The following IL3RA variants were observed in gnomAD, a reference collection of about 807,000 sequenced individuals.
IL3RA encodes the protein interleukin-3 receptor subunit alpha.
Under a neutral mutation model 52.3 loss-of-function variants are expected in IL3RA, and 73 were observed. The observed-to-expected ratio is 1.40, with a 90% CI of 1.16 to 1.70. The LOEUF (loss-of-function observed/expected upper bound fraction) is 1.70. Ranked by LOEUF, IL3RA falls within the 40% of genes most tolerant of loss-of-function variation. IL3RA has a pLI of 0.00. For synonymous variants in IL3RA, 260 were observed against 194.0 expected (o/e 1.34, Z -2.83); for missense variants, 664 against 504.4 (o/e 1.32, Z -3.03).
Position 1,352,202 on chromosome X carries a change from T to TTG in IL3RA, c.401_402insTG (p.Gln135AlafsTer7). ...GTAGGCCCGGGGGCCCCCGCGGACG[T>TTG]CCAGTACGACCTGTACTTGAACGTT... On this transcript the variant is annotated frameshift_variant, in exon 5 of 12. Coordinates refer to ENST00000331035, the MANE Select transcript of IL3RA (RefSeq NM_002183.4). LOFTEE classifies it high-confidence loss of function. 1 of 1,613,730 alleles carries TTG rather than the reference T, an allele frequency of 6.2e-7. No homozygotes were observed. The highest frequency in any genetic ancestry group is 1.1e-5 in the South Asian group (1 of 91,082).
intron 10 of IL3RA, 131 bp from the exon 11 acceptor site, chrX:1,380,892 A>C: frequency 2.6e-6 from 2 of 758,270 alleles, no homozygotes; most frequent in Non-Finnish European, 4.6e-6. Flanking sequence ...CCGGGAAAAT[A>C]GAGACCCCTC....
At position 1,365,144 on chromosome X, in the gene IL3RA, G is replaced by A. The variant is rs760565656; in HGVS notation, c.766G>A (p.Asp256Asn). 1.2e-6 allele frequency: 2 copies of A among 1,608,628 alleles called. No homozygotes were observed. The highest frequency in any genetic ancestry group is 1.1e-5 in the South Asian group (1 of 91,016). Reference sequence around the variant, plus strand: ...ATTTTCTTTCAAACCACAGGTCAGAGACAGAACCTCCTTCCAGCTACTCAA... The same window carrying A: ...ATTTTCTTTCAAACCACAGGTCAGAAACAGAACCTCCTTCCAGCTACTCAA... ...MQPVITEQVR[D>N]RTSFQLLNPG... The change falls in exon 9 of 12, where the codon GAC becomes AAC. Residue 256 changes from aspartate (D) to asparagine (N), a missense_variant. Coordinates refer to ENST00000331035, the MANE Select transcript of IL3RA (RefSeq NM_002183.4).
intron 3 of IL3RA, among the ~76,000 whole-genome samples, chrX:1,348,048 A>ATCTG (rs2085842293): frequency 8.3e-6 from 1 of 120,152 alleles, no homozygotes; most frequent in African/African-American, 3.3e-5. Flanking sequence ...AAAAAAAAAA[A>ATCTG]AACAGAAAAA....
chrX:1,355,414 G>GGGGGAGGA (rs1252462148), intron 6 of IL3RA, among the ~76,000 whole-genome samples: 4,024 of 123,748 alleles, frequency 0.033, 406 homozygotes, highest in African/African-American at 0.14. Flanking sequence ...TAGGAGCGGA[G>GGGGGAGGA]GGGGAGGAGG....
In IL3RA at chrX:1,348,050, A is replaced by C. The variant is rs758130303; in HGVS notation, c.184-381A>C. On this transcript the variant is annotated intron_variant, in intron 3 of 11. Transcript: ENST00000331035. ...AGACTCCCTCTCAAAAAAAAAAAAA[A>C]CAGAAAAAAGTCTTGGCCGGGCACG... 2.6e-3 allele frequency among the ~76,000 whole-genome samples: 331 copies of C among 125,706 alleles called. 2 individuals are homozygous for C. The highest frequency in any genetic ancestry group is 3.5e-3 in the Non-Finnish European group (212 of 60,086). 82.5% of individuals were successfully genotyped at this position (125,706 alleles called of 152,430 possible).
At chrX:1,342,305 A>G (rs1287090265) in intron 2 of IL3RA, among the ~76,000 whole-genome samples, 2 of 151,646 alleles carry the variant, frequency 1.3e-5, no homozygotes, top group African/African-American at 4.8e-5. Context: ...AGCTGAGATT[A>G]CAGTCGCGCA....
At chrX:1,359,571 T>G (rs2149056192) in intron 8 of IL3RA, among the ~76,000 whole-genome samples, 1 of 149,012 alleles carries the variant, frequency 6.7e-6, no homozygotes, top group South Asian at 2.2e-4. Context: ...CCTGTGTCTA[T>G]CTCTCCCTGT....
At chrX:1,364,894 C>T (rs1335951305) in intron 8 of IL3RA, among the ~76,000 whole-genome samples, 1 of 151,858 alleles carries the variant, frequency 6.6e-6, no homozygotes, top group Non-Finnish European at 1.5e-5. Context: ...CTGCAACCTC[C>T]ACCTCTCAGG....
rs1465879060 is a variant in IL3RA, at chrX:1,343,635, C to G, written c.65-1681C>G. ...TGAGCCAAGATCACGCCATTGCACT[C>G]CAACCTGGGTGACAGAGCGAGGCTC... On this transcript the variant is annotated intron_variant, in intron 2 of 11. Coordinates refer to ENST00000331035, the MANE Select transcript of IL3RA (RefSeq NM_002183.4). 2.8e-5 allele frequency among the ~76,000 whole-genome samples: 4 copies of G among 141,972 alleles called. No homozygotes were observed. In the East Asian group the frequency reaches 6.2e-4, roughly 22 times the overall value. The allele number at this position is 141,972 out of a possible 152,430, so 93.1% of individuals were successfully genotyped here. A position where few individuals can be genotyped will look rare whatever the true frequency, so the allele number is the denominator to read the frequency against.
At chrX:1,344,948 G>C (rs1416634270) in intron 2 of IL3RA, among the ~76,000 whole-genome samples, 1 of 149,826 alleles carries the variant, frequency 6.7e-6, no homozygotes, top group East Asian at 2.0e-4. Flanking sequence ...GAATCATGAG[G>C]TCAGGAGATC....
intron 9 of IL3RA, among the ~76,000 whole-genome samples, chrX:1,376,993 A>G (rs1301630181): frequency 7.1e-6 from 1 of 141,526 alleles, no homozygotes; most frequent in Non-Finnish European, 1.5e-5. Context: ...TTTTGTTTCT[A>G]AGCCGCCCAG....
chrX:1,345,680 T>C (rs1163332908), intron 3 of IL3RA, among the ~76,000 whole-genome samples: 19 of 151,578 alleles, frequency 1.3e-4, no homozygotes, highest in Non-Finnish European at 2.2e-4. Flanking sequence ...TTAGTAGAGA[T>C]GGGGTTTCAC....
chrX:1,368,351 G>A (rs2088339443), intron 9 of IL3RA, among the ~76,000 whole-genome samples: 1 of 152,094 alleles, frequency 6.6e-6, no homozygotes, highest in Non-Finnish European at 1.5e-5. Context: ...TTGGGAGGCT[G>A]AGGTGGGTAG....
rs113296760 is a variant in IL3RA, at chrX:1,382,349, T to TG, written c.1063-36dup. ...AGATCAGGACGTGGGCTCTGTTATC[T>TG]GGGGGGTGGCCGACTCACCCTGCCT... On this transcript the variant is annotated intron_variant, in intron 11 of 11. Transcript: ENST00000331035. The TG allele has an allele frequency of 9.4e-4, 1,425 of 1,523,632 alleles. 16 individuals carry two copies. The African/African-American group carries it at 0.018, about 19-fold the overall frequency. 94.4% of individuals were successfully genotyped at this position (1,523,632 alleles called of 1,614,324 possible). A position where few individuals can be genotyped will look rare whatever the true frequency, so the allele number is the denominator to read the frequency against.
chrX:1,344,357 C>A (rs1296703867), intron 2 of IL3RA, among the ~76,000 whole-genome samples: 1 of 151,880 alleles, frequency 6.6e-6, no homozygotes, highest in Non-Finnish European at 1.5e-5. Flanking sequence ...TCGCTTGAAC[C>A]CGGGAGGCGG....
In IL3RA at chrX:1,345,414, G is replaced by C. The variant is rs1201765526; in HGVS notation, c.163G>C (p.Asp55His). ...RNVTDIECVK[D>H]ADYSMPAVNN... ...TGTGACCGATATCGAGTGTGTTAAA[G>C]ACGCCGACTATTCTATGCCGGTAAA... Residue 55 changes from aspartate (D) to histidine (H), a missense_variant, in exon 3 of 12, where the codon GAC (aspartate) becomes CAC (histidine). Asp to His is a moderately conservative substitution (Grantham distance 81). Transcript: ENST00000331035. 5.6e-6 allele frequency: 9 copies of C among 1,603,678 alleles called. No individual in the cohort carries two copies. The highest frequency in any genetic ancestry group is 7.7e-6 in the Non-Finnish European group (9 of 1,172,958).
At chrX:1,347,371 GA>G (rs2085794544) in intron 3 of IL3RA, among the ~76,000 whole-genome samples, 2 of 151,362 alleles carry the variant, frequency 1.3e-5, no homozygotes, top group Non-Finnish European at 1.5e-5. Context: ...TTGAACCTGG[GA>G]GGCAGAAGCT....
chrX:1,357,831 A>C (rs1361557232), intron 7 of IL3RA, among the ~76,000 whole-genome samples: 1 of 149,474 alleles, frequency 6.7e-6, no homozygotes. Context: ...GGCTGGGTGC[A>C]GTAGCTTACG....
rs111555525 is a variant in IL3RA, at chrX:1,382,247, C to T, written c.1063-144C>T. On this transcript the variant is annotated intron_variant, in intron 11 of 11. Transcript: ENST00000331035. ...TACAGGTGTGACCCACCGCGCCTGG[C>T]CCAAAGTGCTGGGATGACAGGCGTG... 219 of 138,534 alleles carry T rather than the reference C, an allele frequency of 1.6e-3. 3 individuals are homozygous for T. The African/African-American group carries it at 0.016, about 10-fold the overall frequency. 8.6% of individuals were successfully genotyped at this position (138,534 alleles called of 1,614,324 possible).
Sources: allele counts gnomAD v4.1 joint callset (sites outside exome capture counted in the v4.1 genomes callset), GRCh38; gene constraint gnomAD v4.1.1; transcripts MANE v1.5; gene names NCBI Gene and HGNC (gene_info 2026-07-23, HGNC 2026-07-21).